GCN1: variants seen among roughly 807,000 people sequenced by gnomAD.
GCN1 encodes GCN1 activator of EIF2AK4, also known as stalled ribosome sensor GCN1.
GCN1 carries 90 observed loss-of-function variants against 288.4 expected under a neutral mutation model. The ratio of observed to expected loss-of-function variants is 0.31; its 90% CI spans 0.26 to 0.37. The LOEUF is 0.37. Among genes scored for constraint, GCN1 ranks in the 10% least tolerant of loss-of-function variants. The pLI is 1.00. For synonymous variants in GCN1, 1,386 were observed against 1,420.2 expected (o/e 0.98, Z 0.54); for missense variants, 2,586 against 3,419.9 (o/e 0.76, Z 6.08).
At position 120,160,032 on chromosome 12, in the gene GCN1, A is replaced by G; in HGVS notation, c.2551-9T>C. 6.2e-7 allele frequency: 1 copy of G among 1,613,600 alleles called. No individual in the cohort carries two copies. Among genetic ancestry groups the G allele is most frequent in the Non-Finnish European group, 8.5e-7 (1 of 1,179,508 alleles). ...TCCAGCTCCCCATCCAGCTGCAAGC[A>G]GAGTTGTCCAGAAGGCAGGTCAGCA... On this transcript the variant is annotated splice_polypyrimidine_tract_variant and intron_variant, in intron 23 of 57. Coordinates refer to ENST00000300648, the MANE Select transcript of GCN1 (RefSeq NM_006836.2).
chr12:120,147,569 T>G (rs1237506408), intron 37 of GCN1, among the ~76,000 whole-genome samples: 4 of 152,260 alleles, frequency 2.6e-5, no homozygotes, highest in Admixed American at 2.6e-4. Flanking sequence ...ATTTCTGGTT[T>G]GCCTATCGGT....
intron 44 of GCN1, among the ~76,000 whole-genome samples, chr12:120,141,746 G>C (rs146106465): frequency 5.9e-5 from 9 of 152,152 alleles, no homozygotes; most frequent in African/African-American, 9.7e-5. Context: ...CTCCTCACCT[G>C]GTTAGTGCTT....
rs1056248192 is a variant in GCN1 at position 120,131,278 on chromosome 12, G to A, written c.7470C>T (p.Ser2490=). Residue 2490 remains serine (S), a synonymous_variant, in exon 55 of 58, where the codon TCC becomes TCT. Transcript: ENST00000300648. Reference sequence around the variant, plus strand: ...TGCCAGGAGCCACATTCACAGCCACGGAAAGTGCCAGGCTCCGCCCGTGCC... The same window carrying A: ...TGCCAGGAGCCACATTCACAGCCACAGAAAGTGCCAGGCTCCGCCCGTGCC... ...MVRHGRSLAL[S]VAVNVAPGRL... The A allele has an allele frequency of 1.5e-5, 25 of 1,614,064 alleles. No individual in the cohort carries two copies. Among genetic ancestry groups the A allele is most frequent in the South Asian group, 3.3e-5 (3 of 91,086 alleles).
chr12:120,158,098 C>T lies in GCN1; in HGVS notation c.2906-68G>A. 1 of 1,497,756 alleles carries T rather than the reference C, an allele frequency of 6.7e-7. No individual in the cohort carries two copies. The highest frequency in any genetic ancestry group is 9.2e-7 in the Non-Finnish European group (1 of 1,088,180). The allele number at this position is 1,497,756 out of a possible 1,614,324, so 92.8% of individuals were successfully genotyped here. ...GGACCCGGGCCACTGCTGCCTATTTCTATCCTCAGGGAAAGTAGGGAACGG... is the reference window on the plus strand; with the variant it reads ...GGACCCGGGCCACTGCTGCCTATTTTTATCCTCAGGGAAAGTAGGGAACGG... On this transcript the variant is annotated intron_variant, in intron 25 of 57. Coordinates refer to ENST00000300648, the MANE Select transcript of GCN1 (RefSeq NM_006836.2). This position sits in a 1 kb window ranked among gnomAD's most constrained non-coding sequence, Gnocchi z 4.3.
chr12:120,136,109 T>G (rs189933678), intron 51 of GCN1, among the ~76,000 whole-genome samples: 11 of 152,312 alleles, frequency 7.2e-5, no homozygotes, highest in Non-Finnish European at 1.3e-4. Flanking sequence ...GGTCCTGAAT[T>G]TTTTCCTTTG....
intron 42 of GCN1, among the ~76,000 whole-genome samples, chr12:120,143,511 G>A (rs1308937615): frequency 6.6e-6 from 1 of 151,934 alleles, no homozygotes; most frequent in Non-Finnish European, 1.5e-5. Flanking sequence ...GAACCCGGGA[G>A]GCAGAGGTTG....
chr12:120,144,025 G>C lies in GCN1; in HGVS notation c.5495+281C>G, dbSNP rs909339280. Among the ~76,000 whole-genome samples, 1 of 152,104 alleles carries C rather than the reference G, an allele frequency of 6.6e-6. No homozygotes were observed. Among genetic ancestry groups the C allele is most frequent in the Non-Finnish European group, 1.5e-5 (1 of 68,018 alleles). ...AGCGTCTTGCTCTGTTGCCCAGGTT[G>C]GAGTGCAGTGGCACAATCTCGGCTC... On this transcript the variant is annotated intron_variant, in intron 42 of 57. Coordinates refer to ENST00000300648, the MANE Select transcript of GCN1 (RefSeq NM_006836.2). The surrounding 1 kb of genome is among the most constrained non-coding windows in gnomAD (Gnocchi z 4.7).
In GCN1 at chr12:120,164,371, A is replaced by G; in HGVS notation, c.1813T>C (p.Leu605=). The G allele has an allele frequency of 3.1e-6, 5 of 1,614,198 alleles. No homozygotes were observed. In the South Asian group the frequency reaches 5.5e-5, roughly 18 times the overall value. Residue 605 remains leucine (L), a synonymous_variant, in exon 18 of 58, where the codon TTG becomes CTG. Transcript: ENST00000300648. ...CTGAGGACAGTCTTCAGCTCCTCCA[A>G]GAGTCCGTGCGCCAGCTTAAAGCCC... ...LGGFKLAHGL[L]EELKTVLSSH... is the part of the protein sequence containing the mutation.
At chr12:120,164,273 A>C (rs1878028852) in intron 18 of GCN1, 63 bp downstream of exon 18, 1 of 1,463,178 alleles carries the variant, frequency 6.8e-7, no homozygotes. Flanking sequence ...AAAACCCCAC[A>C]TCGTAAGCAG....
At chr12:120,180,219 T>C (rs4522230) in intron 5 of GCN1, among the ~76,000 whole-genome samples, 31,796 of 151,518 alleles carry the variant, frequency 0.21, 4,023 homozygotes, top group East Asian at 0.56. Context: ...GCAGGAGAAT[T>C]GCTTGAACGC....
intron 5 of GCN1, among the ~76,000 whole-genome samples, chr12:120,181,408 T>A (rs560658946): frequency 1.2e-4 from 15 of 129,182 alleles, no homozygotes; most frequent in African/African-American, 4.6e-4. Flanking sequence ...AAGGCTGCAG[T>A]GAGCTGAGAT....
chr12:120,130,786 C>A (rs767317125), intron 55 of GCN1, 33 bp from the exon 56 acceptor site: 13 of 1,403,216 alleles, frequency 9.3e-6, no homozygotes, highest in South Asian at 1.2e-5. Context: ...GACGGGAGGC[C>A]CCCCACCCCT....
At chr12:120,133,530 G>C (rs1330693923) in intron 53 of GCN1, among the ~76,000 whole-genome samples, 2 of 152,024 alleles carry the variant, frequency 1.3e-5, no homozygotes, top group East Asian at 1.9e-4. Context: ...TTGCCACCGG[G>C]ACACACCCTG....
In GCN1 at chr12:120,131,206, C is replaced by G. The variant is rs758943329; in HGVS notation, c.7542G>C (p.Leu2514=). ...TTACCCTGTCCGCCGTGGCACTGCT[C>G]AGGATCATTTCCTGAACATCACTGC... is the stretch of plus-strand genomic sequence containing the variant. ...RYSSDVQEMI[L]SSATADRIPI... Residue 2514 remains leucine, a synonymous_variant, in exon 55 of 58, where the codon CTG becomes CTC. Transcript: ENST00000300648. 2.5e-6 allele frequency: 4 copies of G among 1,614,192 alleles called. No individual in the cohort carries two copies. In the East Asian group the frequency reaches 8.9e-5, roughly 36 times the overall value.
intron 9 of GCN1, 92 bp downstream of exon 9, chr12:120,177,355 C>A (rs1285066975): frequency 1.2e-5 from 8 of 680,166 alleles, no homozygotes; most frequent in Non-Finnish European, 2.1e-5. Flanking sequence ...CTTCCCTCCC[C>A]CCTACCACAC....
Position 120,145,037 on chromosome 12 carries a change from G to A in GCN1, c.5041C>T (p.Leu1681Phe). 3.1e-6 allele frequency: 5 copies of A among 1,614,032 alleles called. No individual in the cohort carries two copies. Among genetic ancestry groups the A allele is most frequent in the Non-Finnish European group, 4.2e-6 (5 of 1,180,022 alleles). ...PEVRTVSAKA[L>F]GAMVKGMGES... Reference sequence around the variant, plus strand: ...CCCATGCCCTTCACCATGGCCCCAAGGGCCTTTGCAGATACGGTCCGCACC... The same window carrying A: ...CCCATGCCCTTCACCATGGCCCCAAAGGCCTTTGCAGATACGGTCCGCACC... Residue 1681 changes from leucine to phenylalanine, a missense_variant, in exon 40 of 58, where the codon CTT (leucine) becomes TTT (phenylalanine). By Grantham distance (22) the Leu-to-Phe change is conservative. Transcript: ENST00000300648.
At position 120,134,114 on chromosome 12, in the gene GCN1, C is replaced by T. The variant is rs1876917598; in HGVS notation, c.7317+177G>A. 6.6e-6 allele frequency among the ~76,000 whole-genome samples: 1 copy of T among 152,112 alleles called. No individual in the cohort carries two copies. The highest frequency in any genetic ancestry group is 2.4e-5 in the African/African-American group (1 of 41,406). ...TAACCAATATATCCACAATACCTGC[C>T]CCGTTTCCCTTGAAACCCGAGGAAA... On this transcript the variant is annotated intron_variant, in intron 53 of 57. Coordinates refer to ENST00000300648, the MANE Select transcript of GCN1 (RefSeq NM_006836.2). The surrounding 1 kb of genome is among the most constrained non-coding windows in gnomAD (Gnocchi z 5.0).
intron 26 of GCN1, 68 bp downstream of exon 26, chr12:120,157,781 A>T: frequency 8.0e-7 from 1 of 1,246,818 alleles, no homozygotes; most frequent in Non-Finnish European, 1.1e-6. Context: ...ATGAGACAAA[A>T]CGTGTCCACA....
At chr12:120,147,672 G>C (rs974295799) in intron 37 of GCN1, among the ~76,000 whole-genome samples, 1 of 152,140 alleles carries the variant, frequency 6.6e-6, no homozygotes, top group Admixed American at 6.5e-5. Context: ...TGTATTTTGA[G>C]GTTATTCCAC....
Sources: allele counts gnomAD v4.1 joint callset (sites outside exome capture counted in the v4.1 genomes callset), GRCh38; gene constraint gnomAD v4.1.1; non-coding constraint Gnocchi (gnomAD v3.1); transcripts MANE v1.5; gene names NCBI Gene and HGNC (gene_info 2026-07-23, HGNC 2026-07-21).